NRG1: variants seen among roughly 807,000 people sequenced by gnomAD.
The protein encoded by NRG1 is neuregulin 1.
A neutral mutation model predicts 63.8 loss-of-function variants in NRG1; 18 were observed. That is an observed-to-expected ratio of 0.28 (90% confidence interval 0.19 to 0.42). NRG1 has a LOEUF of 0.42. Ranked by LOEUF, NRG1 falls within the 10% of genes least tolerant of loss-of-function variation. The pLI, the probability that NRG1 is intolerant of heterozygous loss-of-function variation, is 1.00. For synonymous variants in NRG1, 302 were observed against 301.3 expected, an observed-to-expected ratio of 1.00 and a Z score of -0.02; for missense variants, 762 against 814.7, an observed-to-expected ratio of 0.94 and a Z score of 0.79.
At chr8:32,649,416 C>T (rs1490244022) in intron 5 of NRG1, among the ~76,000 whole-genome samples, 1 of 152,084 alleles carries the variant, frequency 6.6e-6, no homozygotes, top group African/African-American at 2.4e-5. Context: ...TTGTCTCTAT[C>T]TCCTATCACT....
At chr8:32,465,811 G>A (rs2129489782) in intron 1 of NRG1, among the ~76,000 whole-genome samples, 1 of 151,866 alleles carries the variant, frequency 6.6e-6, no homozygotes, top group East Asian at 1.9e-4. Flanking sequence ...TAGTTCTTTG[G>A]TATTTTACAG....
intron 1 of NRG1, among the ~76,000 whole-genome samples, chr8:31,710,312 CAT>C (rs1425916280): frequency 1.4e-4 from 22 of 151,802 alleles, no homozygotes; most frequent in African/African-American, 4.6e-4. Context: ...TTTATAGCCT[CAT>C]ATGTTATCAA....
intron 1 of NRG1, among the ~76,000 whole-genome samples, chr8:32,288,742 G>A (rs1216351483): frequency 1.3e-5 from 2 of 152,168 alleles, no homozygotes; most frequent in Non-Finnish European, 2.9e-5. Context: ...CGTGAGGAAG[G>A]GGAGGGGGAG....
chr8:32,720,042 T>C (rs1184497466), intron 5 of NRG1, among the ~76,000 whole-genome samples: 1 of 152,194 alleles, frequency 6.6e-6, no homozygotes, highest in Non-Finnish European at 1.5e-5. Context: ...TTGAATAAGA[T>C]AATGAATTTA....
intron 1 of NRG1, among the ~76,000 whole-genome samples, chr8:31,847,154 C>G (rs997186570): frequency 6.6e-6 from 1 of 152,174 alleles, no homozygotes; most frequent in Non-Finnish European, 1.5e-5. Context: ...TTTGACTTAT[C>G]CATACTAAAT....
At chr8:32,233,295 A>C (rs1315797060) in intron 1 of NRG1, among the ~76,000 whole-genome samples, 1 of 151,584 alleles carries the variant, frequency 6.6e-6, no homozygotes, top group East Asian at 2.0e-4. Context: ...TATTTCTTGT[A>C]GAGATAGAGT....
intron 1 of NRG1, among the ~76,000 whole-genome samples, chr8:32,012,462 G>T (rs900224325): frequency 6.6e-6 from 1 of 152,068 alleles, no homozygotes; most frequent in Non-Finnish European, 1.5e-5. Flanking sequence ...TATCAGGAGA[G>T]GATAGGAGAG....
intron 1 of NRG1, among the ~76,000 whole-genome samples, chr8:32,085,440 T>G (rs557820359): frequency 1.9e-3 from 282 of 152,338 alleles, no homozygotes; most frequent in African/African-American, 6.6e-3. Flanking sequence ...ATTACACCGT[T>G]TGATGGCAAT....
chr8:32,601,749 CA>C (rs2129538563), intron 2 of NRG1, among the ~76,000 whole-genome samples: 1 of 151,596 alleles, frequency 6.6e-6, no homozygotes, highest in South Asian at 2.1e-4. Context: ...AATATCATTC[CA>C]AAGTATATCC....
chr8:32,681,362 A>G (rs187397646), intron 5 of NRG1, among the ~76,000 whole-genome samples: 1 of 152,258 alleles, frequency 6.6e-6, no homozygotes, highest in East Asian at 1.9e-4. Flanking sequence ...TCATTTAAGT[A>G]CAATGAAGTG....
chr8:31,984,240 A>G (rs1809653678), intron 1 of NRG1, among the ~76,000 whole-genome samples: 1 of 152,150 alleles, frequency 6.6e-6, no homozygotes. Flanking sequence ...AACAATGAGC[A>G]ATGTAAAAAT....
intron 1 of NRG1, among the ~76,000 whole-genome samples, chr8:32,492,351 A>G (rs1437360356): frequency 6.6e-6 from 1 of 151,318 alleles, no homozygotes; most frequent in Non-Finnish European, 1.5e-5. Context: ...TGGTTTTGCA[A>G]CTTTGTTTTC....
intron 1 of NRG1, among the ~76,000 whole-genome samples, chr8:32,114,471 T>G (rs1010932915): frequency 6.6e-6 from 1 of 152,124 alleles, no homozygotes; most frequent in African/African-American, 2.4e-5. Flanking sequence ...TGACAAATGT[T>G]TATCAGCCTT....
chr8:32,454,834 C>T (rs1027341473), intron 1 of NRG1, among the ~76,000 whole-genome samples: 1 of 152,134 alleles, frequency 6.6e-6, no homozygotes, highest in Non-Finnish European at 1.5e-5. Flanking sequence ...ACTGACTCAC[C>T]CAGAGCAATG....
intron 1 of NRG1, among the ~76,000 whole-genome samples, chr8:31,908,912 T>C (rs1252817829): frequency 2.0e-5 from 3 of 152,180 alleles, no homozygotes; most frequent in Admixed American, 2.0e-4. Context: ...TGAGTAACCA[T>C]GATATGCTAG....
At chr8:32,419,168 T>C (rs192399014) in intron 1 of NRG1, among the ~76,000 whole-genome samples, 141 of 152,318 alleles carry the variant, frequency 9.3e-4, no homozygotes, top group Middle Eastern at 3.4e-3. Context: ...AAACGCTAAA[T>C]AATGGAATTA....
intron 1 of NRG1, among the ~76,000 whole-genome samples, chr8:32,355,315 C>T (rs899422295): frequency 2.6e-5 from 4 of 151,742 alleles, no homozygotes; most frequent in Non-Finnish European, 5.9e-5. Context: ...AAAAATTAGC[C>T]GGGCGTGGTG....
At chr8:32,644,411 C>T (rs1375225384) in intron 5 of NRG1, among the ~76,000 whole-genome samples, 2 of 152,134 alleles carry the variant, frequency 1.3e-5, no homozygotes, top group Non-Finnish European at 2.9e-5. Flanking sequence ...CTTTCTTACT[C>T]TTTTATTGCT....
Position 32,759,287 on chromosome 8 carries a change from T to C in NRG1, c.922-19T>C, listed in dbSNP as rs745617764. On this transcript the variant is annotated intron_variant, in intron 9 of 11. Coordinates refer to ENST00000356819, the Ensembl canonical transcript of NRG1. ...TGAATCTACGTGAATCTTCAAGTTGTGTCTCTTTGTTTATCCAGCAATACG... is the reference window on the plus strand; with the variant it reads ...TGAATCTACGTGAATCTTCAAGTTGCGTCTCTTTGTTTATCCAGCAATACG... 7 of 1,610,166 alleles carry C rather than the reference T, an allele frequency of 4.3e-6. No individual in the cohort carries two copies.
Sources: gnomAD v4.1 joint callset for allele counts (sites outside exome capture counted in the v4.1 genomes callset) on GRCh38, gnomAD v4.1.1 for gene constraint, MANE v1.5 for transcripts, NCBI Gene and HGNC (gene_info 2026-07-23, HGNC 2026-07-21) for gene names.